The following SPAG17 variants were observed in gnomAD, a reference collection of about 807,000 sequenced individuals.
SPAG17 encodes sperm associated antigen 17.
Under a neutral mutation model 273.6 loss-of-function variants are expected in SPAG17, and 169 were observed. The observed-to-expected ratio is 0.62, with a 90% CI of 0.55 to 0.70. The LOEUF is 0.70. Ranked by LOEUF, SPAG17 falls within the 30% of genes least tolerant of loss-of-function variation. SPAG17 has a pLI of 0.00. For missense variants in SPAG17, 2,557 were observed against 2,627.8 expected (o/e 0.97, Z 0.59); for synonymous variants, 825 against 873.2 (o/e 0.94, Z 0.97).
chr1:118,019,199 T>C (rs1210531374), intron 28 of SPAG17, among the ~76,000 whole-genome samples: 1 of 151,960 alleles, frequency 6.6e-6, no homozygotes, highest in Non-Finnish European at 1.5e-5. Flanking sequence ...AGATCTATAA[T>C]ACTTTAGATA....
At chr1:118,021,310 C>T (rs1660474291) in intron 28 of SPAG17, among the ~76,000 whole-genome samples, 1 of 152,054 alleles carries the variant, frequency 6.6e-6, no homozygotes, top group African/African-American at 2.4e-5. Context: ...AGAAAGGCTA[C>T]ATAAGGTATG....
chr1:117,977,573 T>G (rs1438114212), intron 43 of SPAG17, among the ~76,000 whole-genome samples: 4 of 152,134 alleles, frequency 2.6e-5, no homozygotes, highest in Non-Finnish European at 5.9e-5. Flanking sequence ...TCAAGACCAT[T>G]CCTCCCATAA....
intron 3 of SPAG17, among the ~76,000 whole-genome samples, chr1:118,120,055 G>A (rs1395244369): frequency 6.6e-6 from 1 of 152,076 alleles, no homozygotes; most frequent in Non-Finnish European, 1.5e-5. Flanking sequence ...TTTCTATGAA[G>A]TGCATGTGTG....
chr1:118,111,355 TCCACCCTC>T (rs1656742063), intron 4 of SPAG17, among the ~76,000 whole-genome samples: 1 of 152,090 alleles, frequency 6.6e-6, no homozygotes, highest in East Asian at 1.9e-4. Context: ...ATTTCGATAA[TCCACCCTC>T]AAAGAATTCC....
intron 8 of SPAG17, 117 bp from the exon 9 acceptor site, chr1:118,092,119 C>A (rs1186209017): frequency 4.8e-6 from 4 of 836,220 alleles, no homozygotes; most frequent in Non-Finnish European, 7.9e-6. Flanking sequence ...TATGTTCACA[C>A]CACAAAATCA....
At chr1:118,091,536 A>G in intron 10 of SPAG17, 70 bp downstream of exon 10, 1 of 818,942 alleles carries the variant, frequency 1.2e-6, no homozygotes, top group Non-Finnish European at 2.0e-6. Flanking sequence ...AAAATAGTGT[A>G]AAAATAACAG....
In SPAG17 at chr1:118,039,323, T is replaced by C. The variant is rs541082581; in HGVS notation, c.3288A>G (p.Glu1096=). 2 of 1,613,380 alleles carry C rather than the reference T, an allele frequency of 1.2e-6. No homozygotes were observed. Among genetic ancestry groups the C allele is most frequent in the African/African-American group, 2.7e-5 (2 of 74,982 alleles). ...EKGDYYLEEE[E]EGDEEQSLET... is the part of the protein sequence containing the mutation. Reference sequence around the variant, plus strand: ...CAAGACTTTGTTCCTCATCTCCTTCTTCTTCCTCTTCTAAATAATAATCCC... The same window carrying C: ...CAAGACTTTGTTCCTCATCTCCTTCCTCTTCCTCTTCTAAATAATAATCCC... The change falls in exon 23 of 49, where the codon GAA becomes GAG. Residue 1096 remains glutamate, a synonymous_variant. Coordinates refer to ENST00000336338, the MANE Select transcript of SPAG17 (RefSeq NM_206996.4).
intron 46 of SPAG17, among the ~76,000 whole-genome samples, 179 bp downstream of exon 46, chr1:117,969,877 A>G (rs1244826983): frequency 6.6e-6 from 1 of 152,234 alleles, no homozygotes; most frequent in Non-Finnish European, 1.5e-5. Flanking sequence ...AATGAATGCC[A>G]TCAAGCCACA....
intron 4 of SPAG17, among the ~76,000 whole-genome samples, chr1:118,114,773 T>C (rs12065339): frequency 0.1 from 15,246 of 152,190 alleles, 2,105 homozygotes; most frequent in African/African-American, 0.31. Flanking sequence ...TTGATTTCTA[T>C]AAGCAAATTA....
intron 3 of SPAG17, among the ~76,000 whole-genome samples, chr1:118,126,826 A>G (rs1326134548): frequency 6.6e-6 from 1 of 152,202 alleles, no homozygotes; most frequent in Non-Finnish European, 1.5e-5. Context: ...TTTAGATCTT[A>G]CATTTAAGTC....
intron 1 of SPAG17, among the ~76,000 whole-genome samples, chr1:118,172,372 G>C (rs1660454800): frequency 6.6e-6 from 1 of 152,078 alleles, no homozygotes; most frequent in Non-Finnish European, 1.5e-5. Flanking sequence ...GGTCGGGCTG[G>C]GTTAAGAGGT....
intron 48 of SPAG17, chr1:117,959,622 G>A: frequency 1.7e-6 from 1 of 585,734 alleles, no homozygotes. Context: ...TGAGATTATG[G>A]GCTGGCTCCA....
At chr1:118,156,564 C>T (rs1256796333) in intron 1 of SPAG17, among the ~76,000 whole-genome samples, 1 of 152,144 alleles carries the variant, frequency 6.6e-6, no homozygotes, top group African/African-American at 2.4e-5. Flanking sequence ...TCTGCTTAGA[C>T]ATATTTCCCA....
intron 48 of SPAG17, among the ~76,000 whole-genome samples, chr1:117,954,851 C>T (rs938087166): frequency 6.6e-6 from 1 of 152,026 alleles, no homozygotes; most frequent in African/African-American, 2.4e-5. Flanking sequence ...GACTGGCATT[C>T]TTCTGTTTTC....
chr1:118,010,529 G>A (rs544717126), intron 30 of SPAG17, among the ~76,000 whole-genome samples: 31 of 152,240 alleles, frequency 2.0e-4, no homozygotes, highest in Admixed American at 4.6e-4. Context: ...GATTGAAACT[G>A]CACCCCTTCC....
At chr1:118,146,718 A>T (rs1249707769) in intron 3 of SPAG17, among the ~76,000 whole-genome samples, 1 of 152,162 alleles carries the variant, frequency 6.6e-6, no homozygotes, top group Non-Finnish European at 1.5e-5. Context: ...GTTGGTGATA[A>T]AGTAGAAAAA....
At position 118,152,334 on chromosome 1, in the gene SPAG17, C is replaced by T. The variant is rs554480914; in HGVS notation, c.88-965G>A. ...GATTCAAATATAGTAAAATGGTCTCCTGGTGAATACCAAAACAATGTCTAA... is the reference window on the plus strand; with the variant it reads ...GATTCAAATATAGTAAAATGGTCTCTTGGTGAATACCAAAACAATGTCTAA... On this transcript the variant is annotated intron_variant, in intron 1 of 48. Transcript: ENST00000336338. Among the ~76,000 whole-genome samples, 43 of 152,242 alleles carry T rather than the reference C, an allele frequency of 2.8e-4. 1 individual carries two copies. The highest frequency in any genetic ancestry group is 1.5e-3 in the Admixed American group (23 of 15,284).
At chr1:118,080,898 T>C (rs17037866) in intron 15 of SPAG17, among the ~76,000 whole-genome samples, 9,311 of 152,232 alleles carry the variant, frequency 0.061, 450 homozygotes, top group East Asian at 0.26. Context: ...AGGTTAAGTG[T>C]GGACTAAGAG....
At chr1:118,010,051 T>C (rs951154829) in intron 30 of SPAG17, among the ~76,000 whole-genome samples, 1 of 151,940 alleles carries the variant, frequency 6.6e-6, no homozygotes, top group South Asian at 2.1e-4. Context: ...CTCATGCAAG[T>C]AGAGAGTAGA....
Sources: gnomAD v4.1 joint callset for allele counts (sites outside exome capture counted in the v4.1 genomes callset) on GRCh38, gnomAD v4.1.1 for gene constraint, MANE v1.5 for transcripts, NCBI Gene and HGNC (gene_info 2026-07-23, HGNC 2026-07-21) for gene names.